FCHSD2: variants seen among roughly 807,000 people sequenced by gnomAD.
FCHSD2 encodes FCH and double SH3 domains 2.
A neutral mutation model predicts 108.1 loss-of-function variants in FCHSD2; 38 were observed. The ratio of observed to expected loss-of-function variants is 0.35; its 90% confidence interval spans 0.27 to 0.46. The LOEUF (loss-of-function observed/expected upper bound fraction) is 0.46, where lower values mean the gene tolerates loss of function less well. FCHSD2 is among the 20% of genes least tolerant of loss of function. FCHSD2 has a pLI of 1.00. For missense variants in FCHSD2, 751 were observed against 897.8 expected, an observed-to-expected ratio of 0.84 and a Z score of 2.09; for synonymous variants, 279 against 314.7, an observed-to-expected ratio of 0.89 and a Z score of 1.20.
At chr11:73,065,799 A>ACAT (rs747429087) in intron 3 of FCHSD2, among the ~76,000 whole-genome samples, 13 of 152,212 alleles carry the variant, frequency 8.5e-5, no homozygotes, top group Non-Finnish European at 1.6e-4. Flanking sequence ...CTTACAAGGG[A>ACAT]TGTGAAGGAC....
chr11:73,099,366 T>C (rs146335642), intron 2 of FCHSD2, among the ~76,000 whole-genome samples: 4 of 152,358 alleles, frequency 2.6e-5, no homozygotes, highest in African/African-American at 9.6e-5. Context: ...CATAAAATTA[T>C]GTACCTGCTA....
At chr11:72,951,316 T>C (rs964623305) in intron 8 of FCHSD2, among the ~76,000 whole-genome samples, 2 of 152,158 alleles carry the variant, frequency 1.3e-5, no homozygotes, top group Non-Finnish European at 2.9e-5. Context: ...TTGTAAGCAG[T>C]GATGAAACAG....
At chr11:72,924,888 G>C (rs769816469) in intron 8 of FCHSD2, among the ~76,000 whole-genome samples, 4 of 151,796 alleles carry the variant, frequency 2.6e-5, no homozygotes, top group Non-Finnish European at 5.9e-5. Flanking sequence ...TCCTGTATCA[G>C]GACATACTTT....
rs762932020 is a variant in FCHSD2 at position 72,989,074 on chromosome 11, G to T, written c.411C>A (p.Ile137=). 4.2e-5 allele frequency: 67 copies of T among 1,608,534 alleles called. No homozygotes were observed. The East Asian group carries it at 1.5e-3, about 35-fold the overall frequency. The change falls in exon 6 of 20, where the codon ATC becomes ATA. Residue 137 remains isoleucine, a synonymous_variant. Coordinates refer to ENST00000409418, the MANE Select transcript of FCHSD2 (RefSeq NM_014824.3). ...TCACTGTCTCTTGTAATTCAGTTTGGATCTTTGTCAACTGGTCCACACACT... is the reference window on the plus strand; with the variant it reads ...TCACTGTCTCTTGTAATTCAGTTTGTATCTTTGTCAACTGGTCCACACACT... ...LKRCVDQLTK[I]QTELQETVKD...
intron 4 of FCHSD2, among the ~76,000 whole-genome samples, chr11:73,013,498 T>C (rs1385112547): frequency 6.6e-6 from 1 of 152,202 alleles, no homozygotes; most frequent in Non-Finnish European, 1.5e-5. Context: ...CTTTAACCGC[T>C]GACATGTAGT....
At chr11:73,072,891 G>C (rs1441807372) in intron 3 of FCHSD2, among the ~76,000 whole-genome samples, 1 of 152,140 alleles carries the variant, frequency 6.6e-6, no homozygotes, top group Non-Finnish European at 1.5e-5. Context: ...TTTCTTAAAA[G>C]AGTAAAAATA....
At chr11:72,889,214 G>A (rs1214428951) in intron 11 of FCHSD2, among the ~76,000 whole-genome samples, 1 of 151,928 alleles carries the variant, frequency 6.6e-6, no homozygotes, top group East Asian at 1.9e-4. Flanking sequence ...ACCCACCTCG[G>A]CCTCCCAAAG....
chr11:72,964,406 G>A (rs1360327192), intron 8 of FCHSD2, among the ~76,000 whole-genome samples: 2 of 152,074 alleles, frequency 1.3e-5, no homozygotes, highest in Non-Finnish European at 2.9e-5. Context: ...ATGTAACCAC[G>A]TCTGAGAAGT....
At chr11:72,948,352 A>G (rs1591426315) in intron 8 of FCHSD2, among the ~76,000 whole-genome samples, 1 of 152,184 alleles carries the variant, frequency 6.6e-6, no homozygotes, top group African/African-American at 2.4e-5. Context: ...AAACATTTCA[A>G]TTACTTCAAA....
In FCHSD2 at chr11:72,841,463, A is replaced by C. The variant is rs1278133133; in HGVS notation, c.2047T>G (p.Ser683Ala). Residue 683 changes from serine to alanine, a missense_variant, in exon 18 of 20, where the codon TCA (serine) becomes GCA (alanine). By Grantham distance (99) the Ser-to-Ala change is moderately conservative. Coordinates refer to ENST00000409418, the MANE Select transcript of FCHSD2 (RefSeq NM_014824.3). ...CCAGGAGAACCCTTACCGTTTGCTGAAGGAGACCGGGGAAAGTACAGGGAG... is the reference window on the plus strand; with the variant it reads ...CCAGGAGAACCCTTACCGTTTGCTGCAGGAGACCGGGGAAAGTACAGGGAG... The part of the protein sequence containing the change: ...RSSLYFPRSP[S>A]ANEKSLHAES... 1 of 1,610,374 alleles carries C rather than the reference A, an allele frequency of 6.2e-7. No homozygotes were observed. Among genetic ancestry groups the C allele is most frequent in the East Asian group, 2.2e-5 (1 of 44,798 alleles).
chr11:73,012,283 G>A (rs948690490), intron 4 of FCHSD2, among the ~76,000 whole-genome samples: 3 of 152,140 alleles, frequency 2.0e-5, no homozygotes, highest in African/African-American at 7.2e-5. Context: ...GTTACAGACT[G>A]CATGTATATA....
intron 9 of FCHSD2, among the ~76,000 whole-genome samples, chr11:72,906,876 C>G (rs1855640874): frequency 6.6e-6 from 1 of 152,158 alleles, no homozygotes; most frequent in Admixed American, 6.5e-5. Flanking sequence ...CAGCTTTGTT[C>G]TTTTTGCTTA....
chr11:72,999,070 T>G (rs573104242), intron 5 of FCHSD2, among the ~76,000 whole-genome samples: 4 of 152,330 alleles, frequency 2.6e-5, no homozygotes, highest in African/African-American at 9.6e-5. Context: ...TACCATCATT[T>G]GAACCCCTAG....
At chr11:73,139,909 C>G in intron 2 of FCHSD2, 122 bp downstream of exon 2, 1 of 562,086 alleles carries the variant, frequency 1.8e-6, no homozygotes, top group Non-Finnish European at 3.1e-6. Flanking sequence ...AGTCAAAGTT[C>G]TAACAGCCTT....
intron 12 of FCHSD2, among the ~76,000 whole-genome samples, chr11:72,871,753 A>ATT (rs35295400): frequency 7.5e-6 from 1 of 132,860 alleles, no homozygotes; most frequent in South Asian, 2.5e-4. Flanking sequence ...TTGGTACATA[A>ATT]TTTTTTTTTT....
In FCHSD2 at chr11:73,015,828, C is replaced by A. The variant is rs374746074; in HGVS notation, c.223G>T (p.Asp75Tyr). 1 of 1,604,682 alleles carries A rather than the reference C, an allele frequency of 6.2e-7. No individual in the cohort carries two copies. The highest frequency in any genetic ancestry group is 8.5e-7 in the Non-Finnish European group (1 of 1,174,618). Residue 75 changes from aspartate to tyrosine, a missense_variant, in exon 4 of 20, where the codon GAT becomes TAT. Coordinates refer to ENST00000409418, the MANE Select transcript of FCHSD2 (RefSeq NM_014824.3). ...LKRDWPGVKA[D>Y]DRNDYRSMYP... ...ATTTACCTGTAATCATTCCGATCAT[C>A]AGCTTTTACTCCAGGCCAATCTCTC...
At chr11:73,110,202 C>A (rs1187907474) in intron 2 of FCHSD2, among the ~76,000 whole-genome samples, 1 of 151,816 alleles carries the variant, frequency 6.6e-6, no homozygotes, top group African/African-American at 2.4e-5. Context: ...CTGCTGGCCT[C>A]ACAGAATGAG....
At chr11:73,124,928 C>G (rs4944824) in intron 2 of FCHSD2, among the ~76,000 whole-genome samples, 4 of 152,178 alleles carry the variant, frequency 2.6e-5, no homozygotes, top group African/African-American at 9.7e-5. Context: ...CAAGGGAAAG[C>G]ACATTCCATA....
At chr11:73,064,301 A>T (rs146431182) in intron 3 of FCHSD2, among the ~76,000 whole-genome samples, 1,725 of 152,326 alleles carry the variant, frequency 0.011, 29 homozygotes, top group African/African-American at 0.04. Context: ...GTAGAGGGAA[A>T]TTTATAGCAC....
Sources: allele counts gnomAD v4.1 joint callset (sites outside exome capture counted in the v4.1 genomes callset), GRCh38; gene constraint gnomAD v4.1.1; transcripts MANE v1.5; gene names NCBI Gene and HGNC (gene_info 2026-07-23, HGNC 2026-07-21).